The following MAN2A1 variants were observed in gnomAD, a reference collection of about 807,000 sequenced individuals.
MAN2A1 encodes mannosidase alpha class 2A member 1.
A neutral mutation model predicts 142.6 loss-of-function variants in MAN2A1; 76 were observed. The ratio of observed to expected loss-of-function variants is 0.53; its 90% confidence interval spans 0.44 to 0.65. The LOEUF is 0.65. Ranked by LOEUF, MAN2A1 falls within the 30% of genes least tolerant of loss-of-function variation. The probability of loss-of-function intolerance (pLI) is 0.00; values close to 1 mark genes in which losing one functional copy is unlikely to be tolerated. For missense variants in MAN2A1, 1,311 were observed against 1,365.1 expected, an observed-to-expected ratio of 0.96 and a Z score of 0.62; for synonymous variants, 559 against 473.2, an observed-to-expected ratio of 1.18 and a Z score of -2.35.
chr5:109,836,354 G>T (rs1330792544), intron 16 of MAN2A1, among the ~76,000 whole-genome samples: 1 of 151,446 alleles, frequency 6.6e-6, no homozygotes, highest in Non-Finnish European at 1.5e-5. Context: ...GACTTCACAT[G>T]ATCCACCCAC....
At chr5:109,862,797 T>C (rs1025895894) in intron 20 of MAN2A1, 3 of 152,238 alleles carry the variant, frequency 2.0e-5, no homozygotes, top group African/African-American at 7.2e-5. Context: ...CATGAATATT[T>C]GATTTTTTAA....
chr5:109,753,653 A>G (rs1043673074), intron 4 of MAN2A1, among the ~76,000 whole-genome samples: 3 of 152,178 alleles, frequency 2.0e-5, no homozygotes, highest in African/African-American at 7.2e-5. Flanking sequence ...TTTGAATTAC[A>G]TGTTGTGTTA....
chr5:109,697,016 G>T (rs1485073455), intron 1 of MAN2A1, among the ~76,000 whole-genome samples: 1 of 152,186 alleles, frequency 6.6e-6, no homozygotes, highest in Non-Finnish European at 1.5e-5. Flanking sequence ...TTTCCAATTG[G>T]ACGTGTGTAT....
Position 109,724,510 on chromosome 5 carries a change from A to G in MAN2A1, c.536-4832A>G, listed in dbSNP as rs1196324436. ...TTTAAAATTTGAGAATATTTATCACATTGAAATGGAAAAAAAATCTTGAGG... is the reference window on the plus strand; with the variant it reads ...TTTAAAATTTGAGAATATTTATCACGTTGAAATGGAAAAAAAATCTTGAGG... On this transcript the variant is annotated intron_variant, in intron 3 of 21. Transcript: ENST00000261483. 7.9e-5 allele frequency among the ~76,000 whole-genome samples: 12 copies of G among 152,314 alleles called. No homozygotes were observed. In the East Asian group the frequency reaches 2.3e-3, roughly 29 times the overall value.
chr5:109,832,040 T>A (rs1261728787), intron 16 of MAN2A1, among the ~76,000 whole-genome samples: 1 of 151,758 alleles, frequency 6.6e-6, no homozygotes, highest in Non-Finnish European at 1.5e-5. Flanking sequence ...ATGTATCCAT[T>A]GATGAATGTC....
At chr5:109,777,029 T>C (rs1753312162) in intron 8 of MAN2A1, among the ~76,000 whole-genome samples, 1 of 152,198 alleles carries the variant, frequency 6.6e-6, no homozygotes, top group African/African-American at 2.4e-5. Context: ...GTTCCCAGTT[T>C]TTGTCTATCA....
At chr5:109,728,407 G>A (rs149810725) in intron 3 of MAN2A1, among the ~76,000 whole-genome samples, 168 of 152,208 alleles carry the variant, frequency 1.1e-3, no homozygotes, top group African/African-American at 3.9e-3. Flanking sequence ...GGATATACAG[G>A]AACTTCTCCT....
chr5:109,831,282 T>C (rs1449895543), intron 16 of MAN2A1, among the ~76,000 whole-genome samples: 1 of 152,218 alleles, frequency 6.6e-6, no homozygotes, highest in East Asian at 1.9e-4. Context: ...CAAGAGTGAG[T>C]GAGCCAGATG....
At chr5:109,815,152 A>G (rs144404402) in intron 12 of MAN2A1, among the ~76,000 whole-genome samples, 248 of 152,270 alleles carry the variant, frequency 1.6e-3, no homozygotes, top group Non-Finnish European at 2.2e-3. Flanking sequence ...GAAATATAGG[A>G]CAGTCCCATT....
intron 20 of MAN2A1, chr5:109,864,236 A>G (rs1366913752): frequency 6.6e-6 from 1 of 152,210 alleles, no homozygotes; most frequent in Non-Finnish European, 1.5e-5. Flanking sequence ...TAATTCATTT[A>G]TCATAAACAC....
chr5:109,787,747 T>A (rs1753630844), intron 10 of MAN2A1, among the ~76,000 whole-genome samples: 1 of 151,922 alleles, frequency 6.6e-6, no homozygotes, highest in Non-Finnish European at 1.5e-5. Context: ...GATAGCCCTG[T>A]AGACAATAGA....
At chr5:109,738,201 C>G (rs528165097) in intron 4 of MAN2A1, among the ~76,000 whole-genome samples, 3 of 151,404 alleles carry the variant, frequency 2.0e-5, no homozygotes, top group Middle Eastern at 3.4e-3. Flanking sequence ...GCTACTGTTC[C>G]CCTATCAGCT....
At chr5:109,742,480 C>T (rs1169619933) in intron 4 of MAN2A1, among the ~76,000 whole-genome samples, 1 of 152,140 alleles carries the variant, frequency 6.6e-6, no homozygotes, top group Non-Finnish European at 1.5e-5. Context: ...TTAAGTGAAC[C>T]TTCCACTGTC....
intron 4 of MAN2A1, among the ~76,000 whole-genome samples, chr5:109,729,878 A>G (rs182502597): frequency 6.5e-4 from 99 of 152,114 alleles, no homozygotes; most frequent in Non-Finnish European, 1.3e-3. Context: ...TGTAATTCCA[A>G]CTACTCAGGA....
intron 1 of MAN2A1, chr5:109,699,881 G>C (rs942965934): frequency 6.6e-6 from 1 of 152,254 alleles, no homozygotes; most frequent in Non-Finnish European, 1.5e-5. Flanking sequence ...AAGAAAACCA[G>C]TACATAGTGT....
At chr5:109,798,212 G>A (rs1753914424) in intron 12 of MAN2A1, among the ~76,000 whole-genome samples, 1 of 152,188 alleles carries the variant, frequency 6.6e-6, no homozygotes, top group African/African-American at 2.4e-5. Flanking sequence ...CCTGAAATAG[G>A]TGGAGAGGCA....
intron 1 of MAN2A1, among the ~76,000 whole-genome samples, chr5:109,711,401 GC>G (rs1205060660): frequency 1.3e-5 from 2 of 151,750 alleles, no homozygotes; most frequent in Non-Finnish European, 2.9e-5. Flanking sequence ...ATTTCAGACA[GC>G]CTTTGATAGC....
intron 5 of MAN2A1, among the ~76,000 whole-genome samples, chr5:109,763,864 C>T (rs1370099383): frequency 6.6e-6 from 1 of 151,758 alleles, no homozygotes; most frequent in Non-Finnish European, 1.5e-5. Context: ...CACACTGGCG[C>T]CATCTCAGCT....
At chr5:109,786,462 C>G (rs1335763924) in intron 10 of MAN2A1, among the ~76,000 whole-genome samples, 1 of 152,060 alleles carries the variant, frequency 6.6e-6, no homozygotes, top group Non-Finnish European at 1.5e-5. Flanking sequence ...CTTGACCTGT[C>G]TGGAAGAGCT....
Sources: gnomAD v4.1 joint callset for allele counts (sites outside exome capture counted in the v4.1 genomes callset) on GRCh38, gnomAD v4.1.1 for gene constraint, MANE v1.5 for transcripts, NCBI Gene and HGNC (gene_info 2026-07-23, HGNC 2026-07-21) for gene names.